CYP7B1: variants seen among roughly 807,000 people sequenced by gnomAD.
CYP7B1 encodes cytochrome P450 family 7 subfamily B member 1.
In CYP7B1, 29 loss-of-function variants were observed where a neutral mutation model predicts 42.7. The observed-to-expected ratio is 0.68, with a 90% confidence interval of 0.51 to 0.93. The LOEUF is 0.93. Ranked by LOEUF, CYP7B1 falls within the 40% of genes least tolerant of loss-of-function variation. The pLI is 0.00. For missense variants in CYP7B1, 655 were observed against 600.5 expected (o/e 1.09, Z -0.95); for synonymous variants, 235 against 218.2 (o/e 1.08, Z -0.68).
chr8:64,728,291 G>C (rs1442961049), intron 1 of CYP7B1, among the ~76,000 whole-genome samples: 3 of 152,136 alleles, frequency 2.0e-5, no homozygotes, highest in Non-Finnish European at 4.4e-5. Flanking sequence ...AAGTTACCAA[G>C]TATATTGTTA....
intron 1 of CYP7B1, among the ~76,000 whole-genome samples, chr8:64,639,589 TA>T (rs895412008): frequency 6.6e-6 from 1 of 151,388 alleles, no homozygotes; most frequent in African/African-American, 2.4e-5. Context: ...GTGGCTAAAA[TA>T]AAAAAAAGAA....
At chr8:64,677,386 A>G in intron 1 of CYP7B1, among the ~76,000 whole-genome samples, 1 of 150,694 alleles carries the variant, frequency 6.6e-6, no homozygotes, top group East Asian at 2.0e-4. Flanking sequence ...AAGAGCTAAA[A>G]GTTCTTACAG....
At chr8:64,789,286 CA>C (rs1301651401) in intron 1 of CYP7B1, among the ~76,000 whole-genome samples, 2 of 152,022 alleles carry the variant, frequency 1.3e-5, no homozygotes, top group Non-Finnish European at 2.9e-5. Flanking sequence ...TATTTTAAAA[CA>C]AAAATGTATA....
intron 1 of CYP7B1, among the ~76,000 whole-genome samples, chr8:64,700,205 C>G (rs1806893619): frequency 6.6e-6 from 1 of 152,090 alleles, no homozygotes; most frequent in South Asian, 2.1e-4. Context: ...TCCACAGTCA[C>G]CATAACCGGC....
chr8:64,780,900 G>A lies in CYP7B1; in HGVS notation c.122+17566C>T, dbSNP rs149784033. On this transcript the variant is annotated intron_variant, in intron 1 of 5. Transcript: ENST00000310193. ...AGGCAACCATAAGTAGGTATGCACCGGGTTTGGGCAAGAAAAAATCTCCTA... is the reference window on the plus strand; with the variant it reads ...AGGCAACCATAAGTAGGTATGCACCAGGTTTGGGCAAGAAAAAATCTCCTA... 2.6e-5 allele frequency among the ~76,000 whole-genome samples: 4 copies of A among 152,186 alleles called. No individual in the cohort carries two copies. The East Asian group carries it at 5.8e-4, about 22-fold the overall frequency.
chr8:64,744,237 T>G (rs1807610600), intron 1 of CYP7B1, among the ~76,000 whole-genome samples: 1 of 152,204 alleles, frequency 6.6e-6, no homozygotes, highest in African/African-American at 2.4e-5. Context: ...TTAAGAAGTT[T>G]GAAATGATGG....
At position 64,596,817 on chromosome 8, in the gene CYP7B1, C is replaced by T. The variant is rs761060634; in HGVS notation, c.1346G>A (p.Cys449Tyr). The change falls in exon 6 of 6, where the codon TGT becomes TAT. Residue 449 changes from cysteine (C) to tyrosine (Y), a missense_variant. By Grantham distance (194) the Cys-to-Tyr change is radical. Transcript: ENST00000310193. ...LMPFGTGTSK[C>Y]PGRFFALMEI... ...CATAAGTGCAAAAAATCGGCCTGGA[C>T]ATTTGCTGGTTCCAGTTCCAAACGG... is the stretch of plus-strand genomic sequence containing the variant. 2.5e-6 allele frequency: 4 copies of T among 1,614,084 alleles called. No homozygotes were observed. The highest frequency in any genetic ancestry group is 3.4e-6 in the Non-Finnish European group (4 of 1,179,972).
chr8:64,618,270 A>C (rs1805475762), intron 2 of CYP7B1, among the ~76,000 whole-genome samples: 2 of 152,036 alleles, frequency 1.3e-5, no homozygotes, highest in Admixed American at 6.6e-5. Flanking sequence ...GTGGTGATTC[A>C]TACTTTTCTC....
rs1386292544 is a variant in CYP7B1 at position 64,593,075 on chromosome 8, A to G, written c.*3567T>C. On this transcript the variant is annotated 3_prime_UTR_variant, in exon 6 of 6. Transcript: ENST00000310193. ...AAATAAGCCGAAATTGGAATGGAAT[A>G]ATTTCCTGTGTTCTCTGTGCCTTAA... is the stretch of plus-strand genomic sequence containing the variant. Among the ~76,000 whole-genome samples, 1 of 152,222 alleles carries G rather than the reference A, an allele frequency of 6.6e-6. No homozygotes were observed. Among genetic ancestry groups the G allele is most frequent in the Non-Finnish European group, 1.5e-5 (1 of 68,048 alleles).
intron 5 of CYP7B1, among the ~76,000 whole-genome samples, chr8:64,600,257 G>A (rs1478739453): frequency 2.0e-5 from 3 of 152,108 alleles, no homozygotes; most frequent in East Asian, 1.9e-4. Context: ...TTTGGTATTC[G>A]TGACAAAGGA....
chr8:64,720,558 C>T (rs907611750), intron 1 of CYP7B1, among the ~76,000 whole-genome samples: 5 of 152,076 alleles, frequency 3.3e-5, no homozygotes, highest in African/African-American at 1.2e-4. Flanking sequence ...ATACTCAAAG[C>T]AATGCAAAAA....
chr8:64,681,178 C>A (rs1563388639), intron 1 of CYP7B1, among the ~76,000 whole-genome samples: 1 of 152,190 alleles, frequency 6.6e-6, no homozygotes, highest in Non-Finnish European at 1.5e-5. Flanking sequence ...ATAATTAGAT[C>A]TTTCTCCCCC....
chr8:64,626,270 C>A (rs898630744), intron 1 of CYP7B1, among the ~76,000 whole-genome samples: 4 of 152,100 alleles, frequency 2.6e-5, no homozygotes, highest in African/African-American at 9.7e-5. Flanking sequence ...GGAAAAAAAA[C>A]CACCAAAGCA....
At chr8:64,676,346 A>G (rs2129631823) in intron 1 of CYP7B1, among the ~76,000 whole-genome samples, 1 of 152,254 alleles carries the variant, frequency 6.6e-6, no homozygotes, top group East Asian at 1.9e-4. Flanking sequence ...TAGCACACCC[A>G]TGTGCACCTG....
intron 1 of CYP7B1, among the ~76,000 whole-genome samples, chr8:64,631,568 G>A (rs10808738): frequency 0.5 from 75,726 of 151,946 alleles, 20,232 homozygotes; most frequent in Non-Finnish European, 0.58. Context: ...ATAAACTGGC[G>A]AGACTAAATC....
intron 1 of CYP7B1, among the ~76,000 whole-genome samples, chr8:64,746,007 A>G (rs756879958): frequency 7.2e-5 from 11 of 152,140 alleles, no homozygotes; most frequent in Non-Finnish European, 1.3e-4. Context: ...CATTCAATGC[A>G]TGTTTTTTAA....
At chr8:64,765,653 G>A (rs1487840713) in intron 1 of CYP7B1, among the ~76,000 whole-genome samples, 1 of 152,166 alleles carries the variant, frequency 6.6e-6, no homozygotes, top group South Asian at 2.1e-4. Flanking sequence ...GTCCATGGGT[G>A]GTTACGCACC....
intron 1 of CYP7B1, among the ~76,000 whole-genome samples, chr8:64,787,056 G>A (rs1471770558): frequency 1.3e-5 from 2 of 152,204 alleles, no homozygotes; most frequent in African/African-American, 4.8e-5. Flanking sequence ...AGAGCAGTGG[G>A]GCAGGGGTTA....
At chr8:64,772,280 A>T (rs1015585032) in intron 1 of CYP7B1, among the ~76,000 whole-genome samples, 1 of 152,222 alleles carries the variant, frequency 6.6e-6, no homozygotes, top group African/African-American at 2.4e-5. Flanking sequence ...CACATTGCCC[A>T]GATATTTGGT....
Sources: gnomAD v4.1 joint callset for allele counts (sites outside exome capture counted in the v4.1 genomes callset) on GRCh38, gnomAD v4.1.1 for gene constraint, MANE v1.5 for transcripts, NCBI Gene and HGNC (gene_info 2026-07-23, HGNC 2026-07-21) for gene names.